The following KIAA1671 variants were observed in gnomAD, a reference collection of about 807,000 sequenced individuals.
KIAA1671 encodes KIAA1671, also known as uncharacterized protein KIAA1671.
In KIAA1671, 52 loss-of-function variants were observed where a neutral mutation model predicts 131.2. The ratio of observed to expected loss-of-function variants is 0.40; its 90% confidence interval spans 0.32 to 0.50. The LOEUF (loss-of-function observed/expected upper bound fraction) is 0.50, where lower values mean the gene tolerates loss of function less well. Ranked by LOEUF, KIAA1671 falls within the 20% of genes least tolerant of loss-of-function variation. KIAA1671 has a pLI of 0.73. For missense variants in KIAA1671, 2,360 were observed against 2,364.2 expected (o/e 1.00, Z 0.04); for synonymous variants, 1,003 against 961.6 (o/e 1.04, Z -0.80).
Position 25,069,470 on chromosome 22 carries a change from G to A in KIAA1671, c.4530+20106G>A, listed in dbSNP as rs185783290. Among the ~76,000 whole-genome samples, 27 of 152,306 alleles carry A rather than the reference G, an allele frequency of 1.8e-4. 1 individual carries two copies. Among genetic ancestry groups the A allele is most frequent in the Admixed American group, 1.6e-3 (25 of 15,298 alleles). ...CAGCTGGCAGCTGGTGCCTCAGGGA[G>A]CTGATCCCTCCCTTTGCCAGCACCC... On this transcript the variant is annotated intron_variant, in intron 6 of 12. Transcript: ENST00000358431.
chr22:25,178,629 C>T (rs1934131196), intron 9 of KIAA1671, among the ~76,000 whole-genome samples: 1 of 152,232 alleles, frequency 6.6e-6, no homozygotes, highest in Non-Finnish European at 1.5e-5. Flanking sequence ...GCAGCCTGCT[C>T]ATGGGTCCCT....
rs534992184 is a variant in KIAA1671 at position 24,980,239 on chromosome 22, T to C, written c.-208+27467T>C. Among the ~76,000 whole-genome samples the C allele has an allele frequency of 4.6e-5, 7 of 152,092 alleles. No homozygotes were observed. In the South Asian group the frequency reaches 1.5e-3, roughly 32 times the overall value. On this transcript the variant is annotated intron_variant, in intron 1 of 12. Transcript: ENST00000358431. ...GTATGAATAAAATGCTGTAAAAATA[T>C]CAGTTCAAGTCCCTACGTTCAGTTT...
rs6004428 is a variant in KIAA1671, at chr22:25,084,182, C to T, written c.4530+34818C>T. On this transcript the variant is annotated intron_variant, in intron 6 of 12. Transcript: ENST00000358431. Reference sequence around the variant, plus strand: ...GTGTCCTGAGAGATAATGCCAGTGGCTCCTGTGTGTATAGAACTTGACAGT... The same window carrying T: ...GTGTCCTGAGAGATAATGCCAGTGGTTCCTGTGTGTATAGAACTTGACAGT... 3.1e-3 allele frequency among the ~76,000 whole-genome samples: 477 copies of T among 152,284 alleles called. 2 individuals are homozygous for T. Among genetic ancestry groups the T allele is most frequent in the African/African-American group, 0.011 (459 of 41,554 alleles).
chr22:25,109,105 C>G (rs1242165582), intron 6 of KIAA1671, among the ~76,000 whole-genome samples: 1 of 151,792 alleles, frequency 6.6e-6, no homozygotes, highest in Non-Finnish European at 1.5e-5. Context: ...AAGTCCTACA[C>G]TATCACTTCT....
intron 1 of KIAA1671, among the ~76,000 whole-genome samples, chr22:24,993,019 A>G (rs1252958304): frequency 6.6e-6 from 1 of 151,912 alleles, no homozygotes; most frequent in African/African-American, 2.4e-5. Flanking sequence ...TACCAACCAA[A>G]GCTGTCTCCT....
chr22:25,188,752 G>T (rs1934562035), intron 11 of KIAA1671, among the ~76,000 whole-genome samples: 1 of 152,110 alleles, frequency 6.6e-6, no homozygotes, highest in Admixed American at 6.5e-5. Context: ...TCATTAAGTG[G>T]AAGTGGATCA....
intron 6 of KIAA1671, among the ~76,000 whole-genome samples, chr22:25,153,011 C>G (rs969251383): frequency 6.6e-6 from 1 of 152,102 alleles, no homozygotes; most frequent in African/African-American, 2.4e-5. Flanking sequence ...TTGTCCTACT[C>G]ACATGTTCAT....
Position 25,125,461 on chromosome 22 carries a change from C to T in KIAA1671, c.4531-45359C>T, listed in dbSNP as rs929489005. ...ACCAAGCATGGACTCCAGCCCAGGT[C>T]TGCTGACGTCTCATTTCTTGTGCCT... On this transcript the variant is annotated intron_variant, in intron 6 of 12. Coordinates refer to ENST00000358431, the MANE Select transcript of KIAA1671 (RefSeq NM_001145206.2). Among the ~76,000 whole-genome samples the T allele has an allele frequency of 9.8e-5, 15 of 152,306 alleles. No homozygotes were observed. In the East Asian group the frequency reaches 2.7e-3, roughly 27 times the overall value.
At position 25,000,184 on chromosome 22, in the gene KIAA1671, GTTTTTTTTTTTTT is replaced by G. The variant is rs1184771280; in HGVS notation, c.-207-25434_-207-25422del. The stretch of plus-strand genomic sequence containing the variant: ...AGGTGTGAGCCACTGCTCCTCGCCT[GTTTTTTTTTTTTT>G]TTTTTTTTTTTTTTGAGACGGAGTC... On this transcript the variant is annotated intron_variant, in intron 1 of 12. Transcript: ENST00000358431. Among the ~76,000 whole-genome samples, 3 of 62,166 alleles carry G rather than the reference GTTTTTTTTTTTTT, an allele frequency of 4.8e-5. No homozygotes were observed. In the South Asian group the frequency reaches 2.0e-3, roughly 42 times the overall value. 40.8% of individuals were successfully genotyped at this position (62,166 alleles called of 152,430 possible).
rs528104360 is a variant in KIAA1671 at position 25,151,760 on chromosome 22, G to T, written c.4531-19060G>T. Among the ~76,000 whole-genome samples the T allele has an allele frequency of 2.0e-5, 3 of 151,802 alleles. No individual in the cohort carries two copies. In the East Asian group the frequency reaches 5.8e-4, roughly 29 times the overall value. ...TGGCCAACTCTTTTTTTCTTTTTGA[G>T]ACAGGTCTTGCTCTGTTGCCCGGGC... is the stretch of plus-strand genomic sequence containing the variant. On this transcript the variant is annotated intron_variant, in intron 6 of 12. Coordinates refer to ENST00000358431, the MANE Select transcript of KIAA1671 (RefSeq NM_001145206.2).
At chr22:25,177,674 A>G (rs1421488844) in intron 9 of KIAA1671, among the ~76,000 whole-genome samples, 152 bp downstream of exon 9, 1 of 152,152 alleles carries the variant, frequency 6.6e-6, no homozygotes, top group African/African-American at 2.4e-5. Context: ...TGTCTTAAAC[A>G]CACAGGTGTT....
intron 1 of KIAA1671, among the ~76,000 whole-genome samples, chr22:24,990,772 T>A (rs1765577285): frequency 6.6e-6 from 1 of 152,130 alleles, no homozygotes; most frequent in South Asian, 2.1e-4. Flanking sequence ...CTTGGATTCC[T>A]GCCAGAGGCT....
chr22:25,116,430 T>TACGTAC (rs1555880379), intron 6 of KIAA1671, among the ~76,000 whole-genome samples: 1 of 140,154 alleles, frequency 7.1e-6, no homozygotes, highest in African/African-American at 2.6e-5. Flanking sequence ...TATGTATGTA[T>TACGTAC]GTACGTATTG....
Position 25,039,394 on chromosome 22 carries a change from A to T in KIAA1671, c.2264A>T (p.Lys755Ile). ...GCCATCTCACCGGCACCGGAGGAGA[A>T]AGCGGTCACGCTCCGCAGCCTCAGG... Reference protein sequence around the residue: ...SEAISPAPEEKAVTLRSLRSW... With the variant: ...SEAISPAPEEIAVTLRSLRSW... Residue 755 changes from lysine to isoleucine, a missense_variant, in exon 5 of 13, where the codon AAA becomes ATA. Lys to Ile is a moderately radical substitution (Grantham distance 102). Transcript: ENST00000358431. 5.2e-6 allele frequency: 8 copies of T among 1,551,832 alleles called. No individual in the cohort carries two copies. The Admixed American group carries it at 1.4e-4, about 27-fold the overall frequency.
At chr22:25,015,896 A>G in intron 1 of KIAA1671, among the ~76,000 whole-genome samples, 1 of 152,230 alleles carries the variant, frequency 6.6e-6, no homozygotes, top group Non-Finnish European at 1.5e-5. Context: ...TTACAGAAAC[A>G]GTACACACTC....
intron 6 of KIAA1671, among the ~76,000 whole-genome samples, chr22:25,078,543 A>T (rs1256640228): frequency 2.0e-5 from 3 of 152,066 alleles, no homozygotes; most frequent in Non-Finnish European, 4.4e-5. Context: ...AGAAGTAAAA[A>T]ATAAAAATAG....
At chr22:25,145,026 C>G (rs1325969001) in intron 6 of KIAA1671, among the ~76,000 whole-genome samples, 1 of 152,218 alleles carries the variant, frequency 6.6e-6, no homozygotes, top group Non-Finnish European at 1.5e-5. Context: ...TTTTAATTCC[C>G]CTGGACCATG....
intron 1 of KIAA1671, among the ~76,000 whole-genome samples, chr22:24,961,030 A>G (rs1029423091): frequency 6.6e-6 from 1 of 152,060 alleles, no homozygotes; most frequent in Non-Finnish European, 1.5e-5. Flanking sequence ...TTGTTTTGAG[A>G]CAGGGTCTTG....
chr22:25,093,837 T>C (rs1930251224), intron 6 of KIAA1671, among the ~76,000 whole-genome samples: 4 of 71,326 alleles, frequency 5.6e-5, no homozygotes, highest in African/African-American at 2.6e-4. Context: ...TCTCTCTGTC[T>C]GTCTCTCTCT....
Sources: allele counts gnomAD v4.1 joint callset (sites outside exome capture counted in the v4.1 genomes callset), GRCh38; gene constraint gnomAD v4.1.1; transcripts MANE v1.5; gene names NCBI Gene and HGNC (gene_info 2026-07-23, HGNC 2026-07-21).